The following CIT variants were observed in gnomAD, a reference collection of about 807,000 sequenced individuals.
CIT encodes citron rho-interacting serine/threonine kinase.
CIT carries 79 observed loss-of-function variants against 272.7 expected under a neutral mutation model. The observed-to-expected ratio is 0.29, with a 90% confidence interval of 0.24 to 0.35. CIT has a LOEUF of 0.35. Ranked by LOEUF, CIT falls within the 10% of genes least tolerant of loss-of-function variation. The probability of loss-of-function intolerance (pLI) is 1.00; values close to 1 mark genes in which losing one functional copy is unlikely to be tolerated. For synonymous variants in CIT, 948 were observed against 995.6 expected (o/e 0.95, Z 0.90); for missense variants, 1,909 against 2,618.3 (o/e 0.73, Z 5.91).
intron 1 of CIT, 51 bp from the exon 2 acceptor site, chr12:119,876,232 G>A: frequency 1.7e-6 from 2 of 1,188,852 alleles, no homozygotes; most frequent in Non-Finnish European, 1.2e-6. Context: ...GAGCAGGAAG[G>A]GCCTGAGAGA....
rs77772706 is a variant in CIT at position 119,817,814 on chromosome 12, T to G, written c.1111+5006A>C. ...TCTAGGCTGGGCATGGTGGCTCATA[T>G]CTGTAATCCCATCACTTTGGGAGGC... is the stretch of plus-strand genomic sequence containing the variant. On this transcript the variant is annotated intron_variant, in intron 9 of 47. Coordinates refer to ENST00000392521, the MANE Select transcript of CIT (RefSeq NM_001206999.2). Among the ~76,000 whole-genome samples, 4 of 151,450 alleles carry G rather than the reference T, an allele frequency of 2.6e-5. No individual in the cohort carries two copies. The East Asian group carries it at 7.8e-4, about 30-fold the overall frequency.
At chr12:119,780,581 C>A (rs1472182839) in intron 13 of CIT, among the ~76,000 whole-genome samples, 1 of 152,138 alleles carries the variant, frequency 6.6e-6, no homozygotes, top group African/African-American at 2.4e-5. Context: ...TGCACCACTG[C>A]ACTCCAGCCT....
chr12:119,713,435 C>A lies in CIT; in HGVS notation c.4487+33G>T, dbSNP rs776631449. On this transcript the variant is annotated intron_variant, in intron 34 of 47. Coordinates refer to ENST00000392521, the MANE Select transcript of CIT (RefSeq NM_001206999.2). This position sits in a 1 kb window ranked among gnomAD's most constrained non-coding sequence, Gnocchi z 5.2. ...AGGGACAGAGTGGCTTGTGCCAGCA[C>A]CTGCTCCAGCCCAAGCCACCCTGAC... 2 of 1,605,530 alleles carry A rather than the reference C, an allele frequency of 1.2e-6. No individual in the cohort carries two copies. The highest frequency in any genetic ancestry group is 2.2e-5 in the East Asian group (1 of 44,776).
rs890401308 is a variant in CIT at position 119,784,400 on chromosome 12, T to TC, written c.1402-350dup. 593 of 1,225,744 alleles carry TC rather than the reference T, an allele frequency of 4.8e-4. 1 individual carries two copies. Among genetic ancestry groups the TC allele is most frequent in the Middle Eastern group, 1.5e-3 (4 of 2,756 alleles). The allele number at this position is 1,225,744 out of a possible 1,614,324, so 75.9% of individuals were successfully genotyped here. A position where few individuals can be genotyped will look rare whatever the true frequency, so the allele number is the denominator to read the frequency against. Reference sequence around the variant, plus strand: ...TAATTTTATCCCAAATCCATCTTGATCCCCCCCCATCTCCTTGCAAAGATC... The same window carrying TC: ...TAATTTTATCCCAAATCCATCTTGATCCCCCCCCCATCTCCTTGCAAAGATC... On this transcript the variant is annotated intron_variant, in intron 11 of 47. Transcript: ENST00000392521. The surrounding 1 kb of genome is among the most constrained non-coding windows in gnomAD (Gnocchi z 4.7).
At position 119,735,199 on chromosome 12, in the gene CIT, C is replaced by G; in HGVS notation, c.3117G>C (p.Glu1039Asp). 6.2e-7 allele frequency: 1 copy of G among 1,614,148 alleles called. No individual in the cohort carries two copies. Among genetic ancestry groups the G allele is most frequent in the South Asian group, 1.1e-5 (1 of 91,080 alleles). Residue 1039 changes from glutamate (E) to aspartate (D), a missense_variant, in exon 25 of 48, where the codon GAG becomes GAC. Physicochemically the swap from Glu to Asp is conservative, Grantham distance 45 (BLOSUM62 2). Coordinates refer to ENST00000392521, the MANE Select transcript of CIT (RefSeq NM_001206999.2). ...TAAGCTGCATCTCTCGTTCCGTGAT[C>G]TCCCGGCGGAGATGGTCCACTTCAC... is the stretch of plus-strand genomic sequence containing the variant. ...LRSEVDHLRR[E>D]ITEREMQLTS...
At chr12:119,707,258 T>G (rs56697245) in intron 40 of CIT, among the ~76,000 whole-genome samples, 14,449 of 152,194 alleles carry the variant, frequency 0.095, 1,859 homozygotes, top group African/African-American at 0.3. Flanking sequence ...TTTATTCCCA[T>G]TTTGCTCTCA....
In CIT at chr12:119,865,823, T is replaced by C. The variant is rs1179085; in HGVS notation, c.238+3237A>G. The stretch of plus-strand genomic sequence containing the variant: ...ATGCGGAGGTTGCAGTGAGCTGAGA[T>C]TGTGCCACTGTACTCCAGCCTGGAC... On this transcript the variant is annotated intron_variant, in intron 3 of 47. Transcript: ENST00000392521. 2.9e-3 allele frequency among the ~76,000 whole-genome samples: 420 copies of C among 143,072 alleles called. 1 individual carries two copies. The highest frequency in any genetic ancestry group is 0.011 in the African/African-American group (400 of 38,016). 93.9% of individuals were successfully genotyped at this position (143,072 alleles called of 152,430 possible).
chr12:119,741,994 G>A (rs182504600), intron 24 of CIT, among the ~76,000 whole-genome samples: 21 of 152,228 alleles, frequency 1.4e-4, no homozygotes, highest in Admixed American at 5.2e-4. Context: ...TCTTTCCTCC[G>A]CAGGGGCAGC....
In CIT at chr12:119,690,220, C is replaced by G. The variant is rs1955859616; in HGVS notation, c.6117G>C (p.Leu2039=). Residue 2039 remains leucine, a synonymous_variant, in exon 47 of 48, where the codon CTG becomes CTC. Transcript: ENST00000392521. This position sits in a 1 kb window ranked among gnomAD's most constrained non-coding sequence, Gnocchi z 6.0. The part of the protein sequence containing the change: ...STRRERSPGR[L]FEDSSRGRLP... ...GCCGGCCCCTGCTGCTGTCTTCAAA[C>G]AGCCTCCCGGGGGACCGCTCTCTCC... The G allele has an allele frequency of 6.6e-7, 1 of 1,521,272 alleles. No individual in the cohort carries two copies. The highest frequency in any genetic ancestry group is 8.7e-7 in the Non-Finnish European group (1 of 1,144,970). 94.2% of individuals were successfully genotyped at this position (1,521,272 alleles called of 1,614,324 possible).
rs1445298492 is a variant in CIT at position 119,748,805 on chromosome 12, A to G, written c.2904+3245T>C. On this transcript the variant is annotated intron_variant, in intron 23 of 47. Transcript: ENST00000392521. ...TAAAAGAACAGAGGAGTGAAAACACAAAATGTGTTCATGAGGCCTGGCCGG... is the reference window on the plus strand; with the variant it reads ...TAAAAGAACAGAGGAGTGAAAACACGAAATGTGTTCATGAGGCCTGGCCGG... Among the ~76,000 whole-genome samples the G allele has an allele frequency of 2.6e-5, 4 of 152,194 alleles. No individual in the cohort carries two copies. In the East Asian group the frequency reaches 7.7e-4, roughly 29 times the overall value.
At chr12:119,741,361 GGACAT>G (rs1959050220) in intron 24 of CIT, among the ~76,000 whole-genome samples, 1 of 152,188 alleles carries the variant, frequency 6.6e-6, no homozygotes. Context: ...GATGGGAAGG[GGACAT>G]GAGGGAGCCT....
intron 7 of CIT, among the ~76,000 whole-genome samples, chr12:119,831,607 T>C (rs1267211747): frequency 6.6e-6 from 1 of 152,212 alleles, no homozygotes; most frequent in African/African-American, 2.4e-5. Flanking sequence ...CAGTGGCTTA[T>C]GCCTGTAATC....
chr12:119,738,868 A>G (rs1958920485), intron 24 of CIT, among the ~76,000 whole-genome samples: 1 of 137,134 alleles, frequency 7.3e-6, no homozygotes, highest in Non-Finnish European at 1.6e-5. Context: ...GGGCAATAAG[A>G]GAGAAACTCA....
rs576725641 is a variant in CIT at position 119,845,866 on chromosome 12, G to A, written c.516+4308C>T. Among the ~76,000 whole-genome samples the A allele has an allele frequency of 1.6e-4, 24 of 149,660 alleles. No homozygotes were observed. The South Asian group carries it at 1.9e-3, about 12-fold the overall frequency. Reference sequence around the variant, plus strand: ...TCGGGAGGCTGAGGCAGGAGAACCCGGGAGGCAGAGGTTGCAGTGAGCCGA... The same window carrying A: ...TCGGGAGGCTGAGGCAGGAGAACCCAGGAGGCAGAGGTTGCAGTGAGCCGA... On this transcript the variant is annotated intron_variant, in intron 5 of 47. Transcript: ENST00000392521.
chr12:119,750,854 A>G (rs910652998), intron 23 of CIT, among the ~76,000 whole-genome samples: 12 of 152,178 alleles, frequency 7.9e-5, no homozygotes, highest in Non-Finnish European at 1.2e-4. Flanking sequence ...ATGAATGTAC[A>G]TGGCCATTCA....
intron 27 of CIT, among the ~76,000 whole-genome samples, chr12:119,730,120 G>A (rs1165015342): frequency 6.6e-6 from 1 of 152,114 alleles, no homozygotes; most frequent in Non-Finnish European, 1.5e-5. Flanking sequence ...GCAATTGGAT[G>A]AGCATTAGTC....
intron 44 of CIT, among the ~76,000 whole-genome samples, chr12:119,698,980 C>A (rs925504564): frequency 2.0e-5 from 3 of 151,982 alleles, no homozygotes; most frequent in African/African-American, 7.3e-5. Context: ...TCGGGCTGGG[C>A]GCGGTGGCTC....
intron 23 of CIT, among the ~76,000 whole-genome samples, chr12:119,747,148 C>T (rs899211169): frequency 2.0e-5 from 3 of 152,176 alleles, no homozygotes; most frequent in Non-Finnish European, 2.9e-5. Flanking sequence ...GATGGCCAGG[C>T]ACAGTGGCTC....
At chr12:119,812,802 C>T (rs529596207) in intron 9 of CIT, among the ~76,000 whole-genome samples, 6 of 147,866 alleles carry the variant, frequency 4.1e-5, no homozygotes, top group Admixed American at 1.4e-4. Flanking sequence ...TTGGAGACAT[C>T]GCACCCGGCT....
Sources: allele counts gnomAD v4.1 joint callset (sites outside exome capture counted in the v4.1 genomes callset), GRCh38; gene constraint gnomAD v4.1.1; non-coding constraint Gnocchi (gnomAD v3.1); transcripts MANE v1.5; gene names NCBI Gene and HGNC (gene_info 2026-07-23, HGNC 2026-07-21).